Variants in DRC8 observed in about 807,000 individuals in gnomAD.
DRC8 encodes the protein dynein regulatory complex subunit 8.
At chr1:245,051,012 A>G in the DRC8 span, among the ~76,000 whole-genome samples, 4 of 152,110 alleles carry the variant, frequency 2.6e-5, no homozygotes, top group African/African-American at 4.8e-5. Context: ...GACTACAGGC[A>G]TGCGCCACCA....
the DRC8 span, among the ~76,000 whole-genome samples, chr1:244,976,783 G>C: frequency 6.6e-6 from 1 of 152,194 alleles, no homozygotes; most frequent in African/African-American, 2.4e-5. Context: ...GCAGTTCCAC[G>C]TGTGGGTATA....
chr1:245,060,610 G>C, the DRC8 span, among the ~76,000 whole-genome samples: 10 of 152,206 alleles, frequency 6.6e-5, no homozygotes, highest in Non-Finnish European at 1.0e-4. Context: ...ACTGATTACT[G>C]CCTTAAAGTG....
chr1:245,083,695 G>GT, the DRC8 span: 1 of 1,605,064 alleles, frequency 6.2e-7, no homozygotes, highest in Non-Finnish European at 8.5e-7. Context: ...GAAGGTAAGT[G>GT]TGATTTATTA....
chr1:244,991,402 TG>T, the DRC8 span, among the ~76,000 whole-genome samples: 1 of 152,120 alleles, frequency 6.6e-6, no homozygotes, highest in Admixed American at 6.5e-5. Flanking sequence ...TATGTAGGCA[TG>T]GTTGGTTCGA....
chr1:244,999,434 A>G, the DRC8 span, among the ~76,000 whole-genome samples: 1 of 152,102 alleles, frequency 6.6e-6, no homozygotes, highest in Non-Finnish European at 1.5e-5. Flanking sequence ...GTTCAAGGCT[A>G]ATTTTTCCAT....
the DRC8 span, among the ~76,000 whole-genome samples, chr1:244,987,205 C>CTTT: frequency 6.9e-6 from 1 of 144,478 alleles, no homozygotes; most frequent in East Asian, 2.0e-4. Context: ...GTATTTCTTT[C>CTTT]TTTTTTTTTT....
At chr1:245,024,935 C>A in the DRC8 span, among the ~76,000 whole-genome samples, 1 of 152,144 alleles carries the variant, frequency 6.6e-6, no homozygotes, top group African/African-American at 2.4e-5. Flanking sequence ...TGATTTTTCC[C>A]CATTTCTTCC....
the DRC8 span, among the ~76,000 whole-genome samples, chr1:245,031,440 C>T: frequency 2.0e-5 from 3 of 151,774 alleles, no homozygotes; most frequent in Non-Finnish European, 4.4e-5. Flanking sequence ...AAACCTCCCA[C>T]GTGGGAGGTG....
the DRC8 span, among the ~76,000 whole-genome samples, chr1:245,058,662 C>T: frequency 6.6e-6 from 1 of 152,162 alleles, no homozygotes; most frequent in Admixed American, 6.5e-5. Flanking sequence ...TTACACATCC[C>T]TGTCTTAATA....
the DRC8 span, among the ~76,000 whole-genome samples, chr1:244,994,910 A>G: frequency 1.3e-5 from 2 of 152,180 alleles, no homozygotes; most frequent in African/African-American, 4.8e-5. Flanking sequence ...GCAGTGCCCT[A>G]AATTTGATCT....
At chr1:245,100,814 T>TAAG in the DRC8 span, among the ~76,000 whole-genome samples, 1 of 45,224 alleles carries the variant, frequency 2.2e-5, no homozygotes, top group African/African-American at 4.7e-5. Flanking sequence ...ATAATAATAA[T>TAAG]AAATACTTCA....
At chr1:245,016,308 T>G in the DRC8 span, among the ~76,000 whole-genome samples, 1 of 152,100 alleles carries the variant, frequency 6.6e-6, no homozygotes, top group East Asian at 1.9e-4. Context: ...ACCCTCAAAC[T>G]CATACCTTTC....
chr1:245,056,941 A>AAAAAAAAAAG, the DRC8 span, among the ~76,000 whole-genome samples: 1 of 151,772 alleles, frequency 6.6e-6, no homozygotes, highest in African/African-American at 2.4e-5. Flanking sequence ...ATCTCAAAAA[A>AAAAAAAAAAG]AAAAAGAAAA....
the DRC8 span, among the ~76,000 whole-genome samples, chr1:245,020,037 A>G: frequency 1.3e-5 from 2 of 150,408 alleles, no homozygotes; most frequent in Admixed American, 6.6e-5. Flanking sequence ...CAGGACAGAG[A>G]GAGCTGTTCC....
the DRC8 span, among the ~76,000 whole-genome samples, chr1:244,975,896 G>C: frequency 6.6e-6 from 1 of 151,756 alleles, no homozygotes; most frequent in Non-Finnish European, 1.5e-5. Context: ...ATACAATAAA[G>C]GAATGCTGAA....
chr1:245,041,081 C>T, the DRC8 span, among the ~76,000 whole-genome samples: 4 of 152,116 alleles, frequency 2.6e-5, no homozygotes, highest in Non-Finnish European at 5.9e-5. Flanking sequence ...ATAGTTTAGA[C>T]GTTCTGGTCA....
chr1:244,981,692 C>T, the DRC8 span, among the ~76,000 whole-genome samples: 1 of 152,148 alleles, frequency 6.6e-6, no homozygotes, highest in East Asian at 1.9e-4. Flanking sequence ...TGTGGACTGT[C>T]ATGAGAGTGA....
At chr1:245,112,817 G>A in the DRC8 span, among the ~76,000 whole-genome samples, 1 of 150,862 alleles carries the variant, frequency 6.6e-6, no homozygotes, top group South Asian at 2.1e-4. Context: ...GCAGTGGCAC[G>A]GTCTTGGCTC....
chr1:244,984,057 C>T, the DRC8 span, among the ~76,000 whole-genome samples: 6 of 151,818 alleles, frequency 4.0e-5, no homozygotes, highest in Admixed American at 1.3e-4. Flanking sequence ...TGTGCTCAAG[C>T]GGTCCTCCCA....
Sources: allele counts gnomAD v4.1 joint callset (sites outside exome capture counted in the v4.1 genomes callset), GRCh38; gene constraint gnomAD v4.1.1; transcripts MANE v1.5; gene names NCBI Gene and HGNC (gene_info 2026-07-23, HGNC 2026-07-21).